Variants in LDB2 observed in about 807,000 individuals in gnomAD.
LDB2 encodes the protein LIM domain-binding protein 2.
Under a neutral mutation model 44.3 loss-of-function variants are expected in LDB2, and 12 were observed. That is an observed-to-expected ratio of 0.27 (90% confidence interval 0.17 to 0.44). LDB2 has a LOEUF of 0.44. Ranked by LOEUF, LDB2 falls within the 20% of genes least tolerant of loss-of-function variation. The pLI is 1.00. For synonymous variants in LDB2, 164 were observed against 174.8 expected (o/e 0.94, Z 0.49); for missense variants, 344 against 473.5 (o/e 0.73, Z 2.54).
rs71649965 is a variant in LDB2 at position 16,542,101 on chromosome 4, TG to T, written c.616-29998del. On this transcript the variant is annotated intron_variant, in intron 5 of 7. Coordinates refer to ENST00000304523, the MANE Select transcript of LDB2 (RefSeq NM_001290.5). ...TCCTCCTTCCAATTACATCAGGTGG[TG>T]GGGGGGGGGGCGCGAGCAGGAGGGC... Among the ~76,000 whole-genome samples the T allele has an allele frequency of 8.2e-3, 686 of 83,656 alleles. 48 individuals carry two copies. The highest frequency in any genetic ancestry group is 0.031 in the African/African-American group (599 of 19,320). 54.9% of individuals were successfully genotyped at this position (83,656 alleles called of 152,430 possible).
rs142739161 is a variant in LDB2 at position 16,672,386 on chromosome 4, C to T, written c.236-76511G>A. ...AGGAAGGGAACAGATGGGAAAAAAG[C>T]TGGAGAGGAGCTGCTGAAAGTTCAT... On this transcript the variant is annotated intron_variant, in intron 2 of 7. Coordinates refer to ENST00000304523, the MANE Select transcript of LDB2 (RefSeq NM_001290.5). Among the ~76,000 whole-genome samples, 19 of 152,280 alleles carry T rather than the reference C, an allele frequency of 1.2e-4. No individual in the cohort carries two copies. The East Asian group carries it at 3.3e-3, about 26-fold the overall frequency.
intron 2 of LDB2, among the ~76,000 whole-genome samples, chr4:16,622,679 G>T (rs1191303953): frequency 1.3e-5 from 2 of 152,180 alleles, no homozygotes; most frequent in Non-Finnish European, 2.9e-5. Flanking sequence ...TTTTTTAATA[G>T]TCCAGTAGTG....
At position 16,799,153 on chromosome 4, in the gene LDB2, C is replaced by T. The variant is rs183537490; in HGVS notation, c.133-39893G>A. ...CAGGCATGAGCCACCGCGCCCGGCT[C>T]GTGACTGGGGTTTTCATCTGTCAGC... On this transcript the variant is annotated intron_variant, in intron 1 of 7. Coordinates refer to ENST00000304523, the MANE Select transcript of LDB2 (RefSeq NM_001290.5). 2.6e-5 allele frequency among the ~76,000 whole-genome samples: 4 copies of T among 152,204 alleles called. No homozygotes were observed. In the East Asian group the frequency reaches 5.8e-4, roughly 22 times the overall value.
At chr4:16,820,100 T>C (rs1200777734) in intron 1 of LDB2, among the ~76,000 whole-genome samples, 1 of 152,212 alleles carries the variant, frequency 6.6e-6, no homozygotes, top group Non-Finnish European at 1.5e-5. Context: ...AAGTAAATAG[T>C]ACATGAGGAA....
intron 5 of LDB2, among the ~76,000 whole-genome samples, chr4:16,554,366 G>C (rs931368285): frequency 2.6e-5 from 4 of 152,182 alleles, no homozygotes; most frequent in Non-Finnish European, 2.9e-5. Flanking sequence ...AATGGTTTTT[G>C]AAACTCATCT....
chr4:16,896,588 G>T (rs1725087659), intron 1 of LDB2, among the ~76,000 whole-genome samples: 1 of 152,162 alleles, frequency 6.6e-6, no homozygotes, highest in African/African-American at 2.4e-5. Context: ...TTTCTAAAAT[G>T]TAAGGTGGAC....
intron 4 of LDB2, among the ~76,000 whole-genome samples, chr4:16,587,358 A>G (rs1396560722): frequency 1.3e-5 from 2 of 152,234 alleles, no homozygotes; most frequent in East Asian, 3.9e-4. Flanking sequence ...ATGAGGGACT[A>G]CAAGCACAGA....
intron 1 of LDB2, among the ~76,000 whole-genome samples, chr4:16,858,238 C>T (rs1056552849): frequency 3.3e-5 from 5 of 152,112 alleles, no homozygotes; most frequent in African/African-American, 7.2e-5. Flanking sequence ...CACAGCTGTG[C>T]CAATAATACT....
intron 2 of LDB2, among the ~76,000 whole-genome samples, chr4:16,711,524 T>C (rs1755867347): frequency 6.6e-6 from 1 of 152,148 alleles, no homozygotes; most frequent in African/African-American, 2.4e-5. Flanking sequence ...CTGGGGCAAA[T>C]GAAAGGCTTT....
intron 5 of LDB2, among the ~76,000 whole-genome samples, chr4:16,534,596 G>A (rs762402185): frequency 5.3e-5 from 8 of 152,194 alleles, no homozygotes; most frequent in South Asian, 2.1e-4. Context: ...TGCTTTTTCC[G>A]TATCTTTACA....
intron 1 of LDB2, among the ~76,000 whole-genome samples, chr4:16,818,411 A>C (rs73127851): frequency 6.6e-6 from 1 of 152,216 alleles, no homozygotes; most frequent in South Asian, 2.1e-4. Flanking sequence ...GAGAACTGTC[A>C]ATGAATCTGT....
At chr4:16,849,175 G>C (rs1461726159) in intron 1 of LDB2, among the ~76,000 whole-genome samples, 1 of 151,758 alleles carries the variant, frequency 6.6e-6, no homozygotes, top group African/African-American at 2.4e-5. Flanking sequence ...CTTGCCATTG[G>C]CTCCTGCCTG....
At chr4:16,679,025 T>A (rs1204006961) in intron 2 of LDB2, among the ~76,000 whole-genome samples, 1 of 152,158 alleles carries the variant, frequency 6.6e-6, no homozygotes, top group Non-Finnish European at 1.5e-5. Context: ...CATTGTTAGG[T>A]TATAGAGACA....
At chr4:16,845,619 T>C (rs1786817964) in intron 1 of LDB2, among the ~76,000 whole-genome samples, 1 of 152,156 alleles carries the variant, frequency 6.6e-6, no homozygotes, top group Non-Finnish European at 1.5e-5. Context: ...ACAGCAACAG[T>C]GACAGGAATA....
chr4:16,784,217 G>A (rs533407339), intron 1 of LDB2, among the ~76,000 whole-genome samples: 4 of 152,276 alleles, frequency 2.6e-5, no homozygotes, highest in South Asian at 4.1e-4. Flanking sequence ...TCAGAGAGGT[G>A]AACTGACTTG....
intron 2 of LDB2, among the ~76,000 whole-genome samples, chr4:16,615,527 T>C (rs995053492): frequency 2.6e-5 from 4 of 152,070 alleles, no homozygotes; most frequent in Admixed American, 2.6e-4. Context: ...ACACCACATG[T>C]TCTCGCTCAT....
chr4:16,660,636 A>G (rs1288187298), intron 2 of LDB2, among the ~76,000 whole-genome samples: 1 of 152,212 alleles, frequency 6.6e-6, no homozygotes, highest in Non-Finnish European at 1.5e-5. Context: ...GGTAGACATC[A>G]AGACTTTATC....
chr4:16,871,853 C>T (rs953102022), intron 1 of LDB2, among the ~76,000 whole-genome samples: 3 of 152,004 alleles, frequency 2.0e-5, no homozygotes, highest in African/African-American at 2.4e-5. Context: ...AATTCCTGAC[C>T]GCAGATGATC....
At chr4:16,798,793 AC>A (rs1777213975) in intron 1 of LDB2, among the ~76,000 whole-genome samples, 2 of 152,206 alleles carry the variant, frequency 1.3e-5, no homozygotes. Flanking sequence ...ATTTTCAGTC[AC>A]CTCAAGTGAC....
Sources: allele counts gnomAD v4.1 joint callset (sites outside exome capture counted in the v4.1 genomes callset), GRCh38; gene constraint gnomAD v4.1.1; transcripts MANE v1.5; gene names NCBI Gene and HGNC (gene_info 2026-07-23, HGNC 2026-07-21).